The following MRTFB variants were observed in gnomAD, a reference collection of about 807,000 sequenced individuals.
MRTFB encodes the protein myocardin-related transcription factor B.
A neutral mutation model predicts 104.2 loss-of-function variants in MRTFB; 29 were observed. That is an observed-to-expected ratio of 0.28 (90% CI 0.21 to 0.38). The LOEUF (loss-of-function observed/expected upper bound fraction) is 0.38. MRTFB is among the 10% of genes least tolerant of loss of function. The pLI is 1.00. For missense variants in MRTFB, 1,270 were observed against 1,341.6 expected (o/e 0.95, Z 0.83); for synonymous variants, 535 against 519.5 (o/e 1.03, Z -0.41).
the MRTFB span, among the ~76,000 whole-genome samples, chr16:14,005,109 C>A: frequency 6.6e-6 from 1 of 152,270 alleles, no homozygotes; most frequent in African/African-American, 2.4e-5. Context: ...CCCCTGGGGG[C>A]TGGCACTGCC....
intron 9 of MRTFB, among the ~76,000 whole-genome samples, chr16:14,237,168 G>A (rs4781586): frequency 0.16 from 23,613 of 152,160 alleles, 4,419 homozygotes; most frequent in African/African-American, 0.45. Flanking sequence ...GTGGGTCATC[G>A]GTGTATAAAT....
chr16:14,051,729 C>G, the MRTFB span, among the ~76,000 whole-genome samples: 1 of 152,202 alleles, frequency 6.6e-6, no homozygotes, highest in African/African-American at 2.4e-5. Context: ...ATGTGGCAGA[C>G]TTCACAAGGT....
intron 2 of MRTFB, among the ~76,000 whole-genome samples, chr16:14,101,862 A>G (rs964292348): frequency 6.6e-6 from 1 of 152,154 alleles, no homozygotes. Flanking sequence ...GAATTCTATG[A>G]TTTTTTAAAT....
chr16:14,039,813 A>G, the MRTFB span, among the ~76,000 whole-genome samples: 3 of 145,020 alleles, frequency 2.1e-5, no homozygotes, highest in Non-Finnish European at 4.5e-5. Flanking sequence ...CAATGACGCA[A>G]TCTCGGCTCA....
chr16:14,118,849 T>C (rs1265210824), intron 2 of MRTFB, among the ~76,000 whole-genome samples: 1 of 152,102 alleles, frequency 6.6e-6, no homozygotes, highest in East Asian at 1.9e-4. Flanking sequence ...TATCATACTG[T>C]GTATATATTT....
chr16:14,179,664 T>C (rs2039702811), intron 3 of MRTFB, among the ~76,000 whole-genome samples: 1 of 152,206 alleles, frequency 6.6e-6, no homozygotes, highest in South Asian at 2.1e-4. Context: ...GACATTGAAA[T>C]TCTTTAGTGG....
At chr16:14,076,429 AG>A (rs2034058708) in intron 1 of MRTFB, among the ~76,000 whole-genome samples, 1 of 152,180 alleles carries the variant, frequency 6.6e-6, no homozygotes, top group Non-Finnish European at 1.5e-5. Context: ...TCCTGACCTC[AG>A]GTTATCCACC....
intron 1 of MRTFB, among the ~76,000 whole-genome samples, chr16:14,072,891 G>A (rs1405997760): frequency 6.6e-6 from 1 of 152,162 alleles, no homozygotes; most frequent in Non-Finnish European, 1.5e-5. Context: ...AGAATTTTTT[G>A]TGTCACACAC....
chr16:14,002,315 G>A, the MRTFB span, among the ~76,000 whole-genome samples: 4 of 152,098 alleles, frequency 2.6e-5, no homozygotes, highest in East Asian at 3.9e-4. Flanking sequence ...TCCAGGAGGC[G>A]GAGGTTGCAG....
At position 14,247,375 on chromosome 16, in the gene MRTFB, G is replaced by A. The variant is rs2043065143; in HGVS notation, c.2115G>A (p.Gln705=). 1 of 1,614,028 alleles carries A rather than the reference G, an allele frequency of 6.2e-7. No individual in the cohort carries two copies. The highest frequency in any genetic ancestry group is 8.5e-7 in the Non-Finnish European group (1 of 1,180,034). ...VSQFYVSSQG[Q]PPPAVVAQPQ... ...AGTTTTATGTGAGTTCCCAGGGACA[G>A]CCACCGCCTGCTGTTGTTGCTCAGC... The change falls in exon 12 of 17, where the codon CAG becomes CAA. Residue 705 remains glutamine (Q), a synonymous_variant. Transcript: ENST00000571589.
intron 6 of MRTFB, chr16:14,214,904 T>TA (rs936020732): frequency 2.6e-5 from 4 of 152,214 alleles, no homozygotes; most frequent in African/African-American, 9.7e-5. Flanking sequence ...TCCCTTTCTC[T>TA]ACTTTGGGTT....
In MRTFB at chr16:14,258,178, A is replaced by C. The variant is rs531907563; in HGVS notation, c.2764+17A>C. ...AGAGTGGAGGTAAGTCAAAAGTCACATCAGATCCTCCCAGGAAGTCATCTC... is the reference window on the plus strand; with the variant it reads ...AGAGTGGAGGTAAGTCAAAAGTCACCTCAGATCCTCCCAGGAAGTCATCTC... On this transcript the variant is annotated intron_variant, in intron 16 of 16. Transcript: ENST00000571589. 1 of 1,609,952 alleles carries C rather than the reference A, an allele frequency of 6.2e-7. No homozygotes were observed. The highest frequency in any genetic ancestry group is 8.5e-7 in the Non-Finnish European group (1 of 1,176,362).
chr16:14,041,142 G>A, the MRTFB span, among the ~76,000 whole-genome samples: 1 of 150,230 alleles, frequency 6.7e-6, no homozygotes, highest in South Asian at 2.1e-4. Flanking sequence ...AGGAAGGAAG[G>A]AAGGAGTGGG....
At chr16:14,117,686 A>G (rs2036612992) in intron 2 of MRTFB, among the ~76,000 whole-genome samples, 2 of 152,194 alleles carry the variant, frequency 1.3e-5, no homozygotes, top group Admixed American at 1.3e-4. Flanking sequence ...GATGGTGCCA[A>G]CTGCAGTGCT....
chr16:14,186,327 G>A (rs949925473), intron 3 of MRTFB, among the ~76,000 whole-genome samples: 7 of 152,174 alleles, frequency 4.6e-5, no homozygotes, highest in African/African-American at 4.8e-5. Context: ...GATAAGAGCC[G>A]CTTCCTTCAG....
intron 13 of MRTFB, among the ~76,000 whole-genome samples, chr16:14,250,271 A>G (rs894401893): frequency 1.0e-3 from 156 of 152,324 alleles, no homozygotes; most frequent in African/African-American, 1.2e-3. Context: ...ATACACATAG[A>G]CTTTCCTGCT....
chr16:14,253,947 CAG>C (rs557323615), intron 15 of MRTFB, among the ~76,000 whole-genome samples: 64 of 152,340 alleles, frequency 4.2e-4, no homozygotes, highest in African/African-American at 1.5e-3. Flanking sequence ...ATTCTCTTCA[CAG>C]GGGAGCAGAG....
chr16:14,163,144 T>C (rs2039104557), intron 3 of MRTFB, among the ~76,000 whole-genome samples: 1 of 152,226 alleles, frequency 6.6e-6, no homozygotes, highest in African/African-American at 2.4e-5. Flanking sequence ...GTTCTTTTTG[T>C]TCTTAGACTA....
At chr16:14,085,272 A>G (rs527706150) in intron 2 of MRTFB, among the ~76,000 whole-genome samples, 2 of 152,064 alleles carry the variant, frequency 1.3e-5, no homozygotes, top group South Asian at 2.1e-4. Context: ...CCTGGCCAAC[A>G]TGGTGGAACC....
Sources: allele counts gnomAD v4.1 joint callset (sites outside exome capture counted in the v4.1 genomes callset), GRCh38; gene constraint gnomAD v4.1.1; transcripts MANE v1.5; gene names NCBI Gene and HGNC (gene_info 2026-07-23, HGNC 2026-07-21).